TRIM33: variants seen among roughly 807,000 people sequenced by gnomAD.
The protein encoded by TRIM33 is E3 ubiquitin-protein ligase TRIM33.
TRIM33 carries 20 observed loss-of-function variants against 125.4 expected under a neutral mutation model. The ratio of observed to expected loss-of-function variants is 0.16; its 90% CI spans 0.11 to 0.23. TRIM33 has a LOEUF of 0.23. Among genes scored for constraint, TRIM33 ranks in the 10% least tolerant of loss-of-function variants. The probability of loss-of-function intolerance (pLI) is 1.00; values close to 1 mark genes in which losing one functional copy is unlikely to be tolerated. For synonymous variants in TRIM33, 564 were observed against 513.9 expected, an observed-to-expected ratio of 1.10 and a Z score of -1.32; for missense variants, 920 against 1,411.4, an observed-to-expected ratio of 0.65 and a Z score of 5.58.
intron 1 of TRIM33, among the ~76,000 whole-genome samples, chr1:114,475,347 C>T (rs1333443666): frequency 1.3e-5 from 2 of 152,170 alleles, no homozygotes; most frequent in Non-Finnish European, 2.9e-5. Context: ...TAAAACCATG[C>T]AAAGCACATC....
At chr1:114,487,903 C>CAAAAAAAAA (rs573681532) in intron 1 of TRIM33, among the ~76,000 whole-genome samples, 1 of 36,634 alleles carries the variant, frequency 2.7e-5, no homozygotes, top group African/African-American at 1.1e-4. Flanking sequence ...GACTCCGTCT[C>CAAAAAAAAA]AAAAAAAAAA....
chr1:114,415,365 G>A (rs985185012), intron 11 of TRIM33, among the ~76,000 whole-genome samples: 2 of 152,046 alleles, frequency 1.3e-5, no homozygotes, highest in Non-Finnish European at 2.9e-5. Flanking sequence ...TCTGACCTCC[G>A]ATTTGAAATT....
chr1:114,405,372 T>C (rs1254640964), intron 15 of TRIM33, 38 bp downstream of exon 15: 2 of 1,494,430 alleles, frequency 1.3e-6, no homozygotes, highest in Admixed American at 1.9e-5. Context: ...TTTTAGCTTA[T>C]GAAAATCAAC....
chr1:114,508,657 A>G lies in TRIM33; in HGVS notation c.526+1894T>C, dbSNP rs987257023. ...TGCTTCAGTGTCTGAATATGTATTAATAGCATTGCCATCCACCAAACAAAA... is the reference window on the plus strand; with the variant it reads ...TGCTTCAGTGTCTGAATATGTATTAGTAGCATTGCCATCCACCAAACAAAA... On this transcript the variant is annotated intron_variant, in intron 1 of 19. Transcript: ENST00000358465. 2.6e-5 allele frequency among the ~76,000 whole-genome samples: 4 copies of G among 152,266 alleles called. No individual in the cohort carries two copies. The East Asian group carries it at 5.8e-4, about 22-fold the overall frequency.
intron 1 of TRIM33, among the ~76,000 whole-genome samples, chr1:114,509,158 C>T (rs1031402082): frequency 6.6e-6 from 1 of 152,178 alleles, no homozygotes; most frequent in African/African-American, 2.4e-5. Context: ...GAAATCTGAT[C>T]CTTTTATCCT....
chr1:114,417,383 T>C (rs979793056), intron 11 of TRIM33, among the ~76,000 whole-genome samples: 1 of 152,214 alleles, frequency 6.6e-6, no homozygotes, highest in Non-Finnish European at 1.5e-5. Flanking sequence ...GATACTTGCC[T>C]CTCCCTTTCT....
chr1:114,478,824 G>C (rs1651128119), intron 1 of TRIM33, among the ~76,000 whole-genome samples: 1 of 152,122 alleles, frequency 6.6e-6, no homozygotes, highest in South Asian at 2.1e-4. Flanking sequence ...AAGGTAGGTG[G>C]ATCGCCTGAG....
intron 1 of TRIM33, among the ~76,000 whole-genome samples, chr1:114,498,415 A>T (rs1256938916): frequency 3.3e-5 from 5 of 152,278 alleles, no homozygotes; most frequent in Admixed American, 3.3e-4. Context: ...TGGGAGGCCA[A>T]GGCAGGTGGA....
intron 2 of TRIM33, 44 bp from the exon 3 acceptor site, chr1:114,463,600 T>C: frequency 1.7e-6 from 2 of 1,165,986 alleles, no homozygotes; most frequent in Admixed American, 2.4e-5. Flanking sequence ...ATACATAAAA[T>C]CTAGATCTAA....
chr1:114,451,398 G>T (rs1572069757), intron 4 of TRIM33, among the ~76,000 whole-genome samples: 1 of 144,002 alleles, frequency 6.9e-6, no homozygotes, highest in Admixed American at 6.9e-5. Flanking sequence ...AAAAAGGACT[G>T]AAATCCCCAT....
chr1:114,487,512 G>A (rs1465611881), intron 1 of TRIM33, among the ~76,000 whole-genome samples: 1 of 151,874 alleles, frequency 6.6e-6, no homozygotes, highest in Non-Finnish European at 1.5e-5. Context: ...CTAAAAGCAT[G>A]TATGGTTAAA....
chr1:114,495,894 A>G (rs986535552), intron 1 of TRIM33, among the ~76,000 whole-genome samples: 1 of 152,212 alleles, frequency 6.6e-6, no homozygotes. Context: ...ATTTATTACT[A>G]ATTTATTATA....
chr1:114,436,527 G>A (rs951768225), intron 4 of TRIM33, among the ~76,000 whole-genome samples: 6 of 151,780 alleles, frequency 4.0e-5, no homozygotes, highest in South Asian at 2.1e-4. Context: ...GTGCAGTGGC[G>A]CAATCTCAGC....
intron 1 of TRIM33, among the ~76,000 whole-genome samples, chr1:114,498,874 C>G (rs1222400287): frequency 6.6e-6 from 1 of 151,124 alleles, no homozygotes; most frequent in Non-Finnish European, 1.5e-5. Context: ...ATGAAGATTA[C>G]AAGACTAAAT....
At chr1:114,400,246 G>A (rs1042253997) in intron 17 of TRIM33, among the ~76,000 whole-genome samples, 3 of 152,210 alleles carry the variant, frequency 2.0e-5, no homozygotes, top group Non-Finnish European at 2.9e-5. Context: ...CTGTCGCCCA[G>A]GCTGGAGTGC....
chr1:114,453,334 A>C (rs1649432430), intron 4 of TRIM33, among the ~76,000 whole-genome samples: 1 of 151,822 alleles, frequency 6.6e-6, no homozygotes, highest in African/African-American at 2.4e-5. Context: ...ACTGCACTCC[A>C]GCCTGGGCAA....
chr1:114,501,818 G>GCA (rs1652736088), intron 1 of TRIM33, among the ~76,000 whole-genome samples: 2 of 1,238 alleles, frequency 1.6e-3, no homozygotes, highest in Non-Finnish European at 4.1e-3. Context: ...AACATAAATA[G>GCA]CATATAAGCA....
At chr1:114,422,044 G>T (rs1647234974) in intron 10 of TRIM33, among the ~76,000 whole-genome samples, 1 of 152,122 alleles carries the variant, frequency 6.6e-6, no homozygotes, top group South Asian at 2.1e-4. Flanking sequence ...AAAGAACAAT[G>T]AATTTACAGA....
chr1:114,406,382 G>A (rs1054921973), intron 14 of TRIM33, among the ~76,000 whole-genome samples: 7 of 152,088 alleles, frequency 4.6e-5, no homozygotes, highest in Admixed American at 1.3e-4. Flanking sequence ...AAAGAAGCCC[G>A]GTCAGAAAGA....
Sources: allele counts gnomAD v4.1 joint callset (sites outside exome capture counted in the v4.1 genomes callset), GRCh38; gene constraint gnomAD v4.1.1; transcripts MANE v1.5; gene names NCBI Gene and HGNC (gene_info 2026-07-23, HGNC 2026-07-21).